Variants in ADCY7 observed in about 807,000 individuals in gnomAD.
ADCY7 encodes the protein adenylate cyclase 7.
ADCY7 carries 72 observed loss-of-function variants against 120.6 expected under a neutral mutation model. The ratio of observed to expected loss-of-function variants is 0.60; its 90% confidence interval spans 0.49 to 0.73. The LOEUF is 0.73. ADCY7 is among the 30% of genes least tolerant of loss of function. ADCY7 has a pLI of 0.00. For missense variants in ADCY7, 1,227 were observed against 1,486.0 expected (o/e 0.83, Z 2.87); for synonymous variants, 661 against 628.0 (o/e 1.05, Z -0.78).
At chr16:50,290,776 C>G in intron 3 of ADCY7, 116 bp downstream of exon 3, 1 of 1,179,660 alleles carries the variant, frequency 8.5e-7, no homozygotes, top group Non-Finnish European at 1.2e-6. Context: ...TCTAGGATGG[C>G]CCCAGGCTGG....
intron 1 of ADCY7, among the ~76,000 whole-genome samples, chr16:50,251,398 G>C (rs976595325): frequency 6.6e-6 from 1 of 152,154 alleles, no homozygotes; most frequent in African/African-American, 2.4e-5. Context: ...TATGGGCAAC[G>C]TGTGTCCCAT....
At position 50,288,077 on chromosome 16, in the gene ADCY7, C is replaced by A; in HGVS notation, c.-103C>A. 1 of 1,381,898 alleles carries A rather than the reference C, an allele frequency of 7.2e-7. No individual in the cohort carries two copies. Among genetic ancestry groups the A allele is most frequent in the Non-Finnish European group, 9.6e-7 (1 of 1,040,820 alleles). The allele number at this position is 1,381,898 out of a possible 1,614,324, so 85.6% of individuals were successfully genotyped here. On this transcript the variant is annotated 5_prime_UTR_variant, in exon 2 of 26. Coordinates refer to ENST00000673801, the MANE Select transcript of ADCY7 (RefSeq NM_001114.5). Reference sequence around the variant, plus strand: ...CCCTGCTTGCCTGCCTCGGAGAGGACAGAGGCCTAGGCCCACGGGGGAGGG... The same window carrying A: ...CCCTGCTTGCCTGCCTCGGAGAGGAAAGAGGCCTAGGCCCACGGGGGAGGG...
intron 5 of ADCY7, 151 bp from the exon 6 acceptor site, chr16:50,293,203 G>A (rs1266962430): frequency 2.3e-6 from 2 of 856,112 alleles, no homozygotes; most frequent in African/African-American, 1.7e-5. Context: ...CAAGAGCAGA[G>A]ATGGGGACAT....
At chr16:50,301,384 T>A (rs1159776499) in intron 10 of ADCY7, among the ~76,000 whole-genome samples, 170 bp downstream of exon 10, 1 of 152,054 alleles carries the variant, frequency 6.6e-6, no homozygotes, top group Non-Finnish European at 1.5e-5. Flanking sequence ...AGGCACCGAG[T>A]AGCCACTCCC....
chr16:50,269,760 G>C (rs751610222), intron 1 of ADCY7, among the ~76,000 whole-genome samples: 3 of 152,234 alleles, frequency 2.0e-5, no homozygotes, highest in Non-Finnish European at 4.4e-5. Context: ...CCCAGGGAGA[G>C]AGCAGCGCTT....
At chr16:50,312,662 T>TG (rs1266190246) in intron 21 of ADCY7, among the ~76,000 whole-genome samples, 8 of 152,164 alleles carry the variant, frequency 5.3e-5, no homozygotes, top group Non-Finnish European at 1.0e-4. Context: ...GAAACACCCA[T>TG]GGTGCTTCTG....
chr16:50,314,931 G>T, intron 24 of ADCY7, 83 bp from the exon 25 acceptor site: 1 of 1,566,826 alleles, frequency 6.4e-7, no homozygotes, highest in Non-Finnish European at 8.7e-7. Flanking sequence ...CCTGTGCTGG[G>T]GTATGGATTC....
intron 19 of ADCY7, 120 bp from the exon 20 acceptor site, chr16:50,311,573 C>A: frequency 9.5e-6 from 6 of 634,772 alleles, no homozygotes; most frequent in Non-Finnish European, 1.2e-5. Context: ...TTGTTTTCTA[C>A]CCACCCCATT....
At chr16:50,253,957 GTCTA>G (rs1010488078) in intron 1 of ADCY7, among the ~76,000 whole-genome samples, 4 of 151,940 alleles carry the variant, frequency 2.6e-5, no homozygotes, top group Non-Finnish European at 4.4e-5. Context: ...CTGTGTGTCT[GTCTA>G]TCTGTCTGTC....
upstream of ADCY7, among the ~76,000 whole-genome samples, chr16:50,264,322 A>G (rs2033132383): frequency 6.6e-6 from 1 of 152,222 alleles, no homozygotes; most frequent in Non-Finnish European, 1.5e-5. Context: ...TTTACTGCTG[A>G]GTAATTTTCT....
At chr16:50,275,205 G>C (rs2033808405) in intron 1 of ADCY7, among the ~76,000 whole-genome samples, 1 of 152,202 alleles carries the variant, frequency 6.6e-6, no homozygotes, top group Non-Finnish European at 1.5e-5. Flanking sequence ...CTCCACCTGG[G>C]AGGCTAAGCT....
At chr16:50,265,604 C>T (rs532295405), upstream of ADCY7, among the ~76,000 whole-genome samples, 3 of 152,324 alleles carry the variant, frequency 2.0e-5, no homozygotes, top group Admixed American at 2.0e-4. Context: ...AAAGACAGAC[C>T]AGCAACCAGT....
In ADCY7 at chr16:50,260,752, G is replaced by A. The variant is rs925557408; in HGVS notation, c.-64+14549G>A. Among the ~76,000 whole-genome samples, 3 of 152,176 alleles carry A rather than the reference G, an allele frequency of 2.0e-5. No individual in the cohort carries two copies. The South Asian group carries it at 6.2e-4, about 32-fold the overall frequency. On this transcript the variant is annotated intron_variant, in intron 1 of 4. Transcript: ENST00000564044. ...GTGGGTTGGTGCTGGCTGCTGGCGG[G>A]AGGCCTCCGTTCCTCGAACACAGAT...
chr16:50,300,738 T>C lies in ADCY7; in HGVS notation c.1100T>C (p.Val367Ala). ...AIKQVREATGVDINMRVGIHS... is the reference protein window; with the variant it reads ...AIKQVREATGADINMRVGIHS... ...AGGCAGGTGCGGGAGGCCACGGGCG[T>C]GGACATCAACATGCGTGTGGGCATA... Residue 367 changes from valine (V) to alanine (A), a missense_variant, in exon 9 of 26, where the codon GTG (valine) becomes GCG (alanine). Around this residue, in one of 5 missense-constraint regions of ADCY7, gnomAD observed 332 missense variants for 455.8 expected, o/e 0.73. Transcript: ENST00000673801. 1 of 1,551,898 alleles carries C rather than the reference T, an allele frequency of 6.4e-7. No homozygotes were observed. Among genetic ancestry groups the C allele is most frequent in the Non-Finnish European group, 8.7e-7 (1 of 1,147,112 alleles).
At chr16:50,246,877 T>G (rs1205755251) in intron 1 of ADCY7, among the ~76,000 whole-genome samples, 1 of 152,094 alleles carries the variant, frequency 6.6e-6, no homozygotes, top group African/African-American at 2.4e-5. Context: ...GGTTTATGTC[T>G]CAGGTCCCCT....
rs568779635 is a variant in ADCY7, at chr16:50,314,869, A to G, written c.2972-145A>G. ...CATACCCCAAGCCCGACTGCAACGC[A>G]GTGACTCTGGGAAGCAACCCAGCCT... On this transcript the variant is annotated intron_variant, in intron 24 of 25. Coordinates refer to ENST00000673801, the MANE Select transcript of ADCY7 (RefSeq NM_001114.5). 2.3e-5 allele frequency: 26 copies of G among 1,126,944 alleles called. No individual in the cohort carries two copies. The South Asian group carries it at 4.0e-4, about 17-fold the overall frequency. The allele number at this position is 1,126,944 out of a possible 1,614,324, so 69.8% of individuals were successfully genotyped here.
Position 50,314,342 on chromosome 16 carries a change from C to T in ADCY7, c.2907C>T (p.Ile969=), listed in dbSNP as rs773015364. Reference sequence around the variant, plus strand: ...TTGGTGTCATGGTGGAGTTCAGCATCGCCCTGATGAGTAAGCTGGACGGCA... The same window carrying T: ...TTGGTGTCATGGTGGAGTTCAGCATTGCCCTGATGAGTAAGCTGGACGGCA... ...AHIGVMVEFS[I]ALMSKLDGIN... Residue 969 remains isoleucine (I), a synonymous_variant, in exon 24 of 26, where the codon ATC becomes ATT. Coordinates refer to ENST00000673801, the MANE Select transcript of ADCY7 (RefSeq NM_001114.5). 41 of 1,614,052 alleles carry T rather than the reference C, an allele frequency of 2.5e-5. No homozygotes were observed. The highest frequency in any genetic ancestry group is 1.6e-4 in the Middle Eastern group (1 of 6,084).
Position 50,304,472 on chromosome 16 carries a change from C to T in ADCY7, c.1481C>T (p.Ala494Val). 6.2e-7 allele frequency: 1 copy of T among 1,609,428 alleles called. No homozygotes were observed. Among genetic ancestry groups the T allele is most frequent in the Non-Finnish European group, 8.5e-7 (1 of 1,178,036 alleles). Residue 494 changes from alanine to valine, a missense_variant, in exon 11 of 26, where the codon GCA becomes GTA. Ala to Val is a moderately conservative substitution (Grantham distance 64). This residue lies in a region of ADCY7 where 332 missense variants were observed against 455.8 expected (regional missense o/e 0.73). Coordinates refer to ENST00000673801, the MANE Select transcript of ADCY7 (RefSeq NM_001114.5). ...CGGTACCTCGAGTCCTGGGGGGCGG[C>T]ACGGCCCTTTGCACATCTCAACCAC... ...MTRYLESWGAARPFAHLNHRE... is the reference protein window; with the variant it reads ...MTRYLESWGAVRPFAHLNHRE...
intron 8 of ADCY7, among the ~76,000 whole-genome samples, chr16:50,300,125 C>T (rs1023343440): frequency 6.6e-6 from 1 of 152,134 alleles, no homozygotes; most frequent in Non-Finnish European, 1.5e-5. Context: ...CGCTGTGTTG[C>T]CCAGAGCGTA....
Sources: allele counts gnomAD v4.1 joint callset (sites outside exome capture counted in the v4.1 genomes callset), GRCh38; gene constraint gnomAD v4.1.1; regional missense constraint gnomAD v4.1.1; transcripts MANE v1.5; gene names NCBI Gene and HGNC (gene_info 2026-07-23, HGNC 2026-07-21).